Variants in EGFR observed in about 807,000 individuals in gnomAD.
EGFR encodes the protein epidermal growth factor receptor, also known as avian erythroblastic leukemia viral (v-erb-b) oncogene homolog.
Under a neutral mutation model 143.0 loss-of-function variants are expected in EGFR, and 58 were observed. That is an observed-to-expected ratio of 0.41 (90% CI 0.33 to 0.50). The LOEUF is 0.50. Ranked by LOEUF, EGFR falls within the 20% of genes least tolerant of loss-of-function variation. The pLI, the probability that EGFR is intolerant of heterozygous loss-of-function variation, is 0.39. For synonymous variants in EGFR, 613 were observed against 594.4 expected, an observed-to-expected ratio of 1.03 and a Z score of -0.45; for missense variants, 1,307 against 1,579.0, an observed-to-expected ratio of 0.83 and a Z score of 2.92.
intron 1 of EGFR, among the ~76,000 whole-genome samples, chr7:55,021,231 C>A (rs558019330): frequency 1.3e-4 from 20 of 152,302 alleles, no homozygotes; most frequent in African/African-American, 1.9e-4. Context: ...CCTGCAGGCC[C>A]GTCCTGCCTG....
intron 1 of EGFR, among the ~76,000 whole-genome samples, chr7:55,043,298 G>T (rs767621146): frequency 2.6e-5 from 4 of 152,114 alleles, no homozygotes; most frequent in Admixed American, 6.6e-5. Flanking sequence ...GAACCTTTTG[G>T]TTGTCACACT....
At position 55,200,396 on chromosome 7, in the gene EGFR, C is replaced by T. The variant is rs1140476; in HGVS notation, c.2929C>T (p.Arg977Cys). The change falls in exon 24 of 28, where the codon CGC becomes TGC. Residue 977 changes from arginine (R) to cysteine (C), a missense_variant. By Grantham distance (180) the Arg-to-Cys change is radical. Transcript: ENST00000275493. ...EFSKMARDPQ[R>C]YLVIQGDERM... Reference sequence around the variant, plus strand: ...CTCCAAAATGGCCCGAGACCCCCAGCGCTACCTTGTCATTCAGGTACAAAT... The same window carrying T: ...CTCCAAAATGGCCCGAGACCCCCAGTGCTACCTTGTCATTCAGGTACAAAT... 3.7e-6 allele frequency: 6 copies of T among 1,614,160 alleles called. No individual in the cohort carries two copies. Among genetic ancestry groups the T allele is most frequent in the South Asian group, 2.2e-5 (2 of 91,074 alleles).
At chr7:55,029,094 G>T (rs1787104184) in intron 1 of EGFR, among the ~76,000 whole-genome samples, 1 of 152,120 alleles carries the variant, frequency 6.6e-6, no homozygotes, top group African/African-American at 2.4e-5. Context: ...GGAAGGCAGG[G>T]GTTGCAGTGA....
chr7:55,083,191 T>G (rs1790558651), intron 1 of EGFR, among the ~76,000 whole-genome samples: 1 of 152,254 alleles, frequency 6.6e-6, no homozygotes, highest in African/African-American at 2.4e-5. Context: ...ACAATCCAAC[T>G]GATGACACAT....
chr7:55,192,018 C>A (rs1787418953), intron 21 of EGFR, 144 bp downstream of exon 21: 2 of 1,280,646 alleles, frequency 1.6e-6, no homozygotes, highest in Non-Finnish European at 2.2e-6. Flanking sequence ...CTGCTGGCAG[C>A]TGGGTCCAGC....
intron 1 of EGFR, among the ~76,000 whole-genome samples, chr7:55,093,161 G>A (rs1308586471): frequency 6.6e-6 from 1 of 152,186 alleles, no homozygotes; most frequent in Non-Finnish European, 1.5e-5. Flanking sequence ...GAGCTCAGGG[G>A]TCCGCTGGGT....
At chr7:55,115,536 T>C (rs1241840694) in intron 1 of EGFR, among the ~76,000 whole-genome samples, 1 of 152,232 alleles carries the variant, frequency 6.6e-6, no homozygotes, top group Non-Finnish European at 1.5e-5. Flanking sequence ...AAATAGATTT[T>C]ATAATCAATG....
intron 5 of EGFR, 83 bp from the exon 6 acceptor site, chr7:55,152,463 A>T (rs1384743225): frequency 4.0e-6 from 5 of 1,256,876 alleles, no homozygotes; most frequent in Non-Finnish European, 5.9e-6. Context: ...TTCATGAAAA[A>T]GTCTGCAAGT....
At chr7:55,079,965 T>A (rs1295503252) in intron 1 of EGFR, among the ~76,000 whole-genome samples, 1 of 152,262 alleles carries the variant, frequency 6.6e-6, no homozygotes, top group Non-Finnish European at 1.5e-5. Context: ...TCCAACCTCT[T>A]ACCAGGCTCT....
intron 1 of EGFR, among the ~76,000 whole-genome samples, chr7:55,055,723 C>CCACA (rs34074299): frequency 0.091 from 13,456 of 148,248 alleles, 1,181 homozygotes; most frequent in African/African-American, 0.23. Context: ...CACACACACA[C>CCACA]CACACACACA....
chr7:55,172,742 G>A, intron 16 of EGFR: 1 of 1,070,248 alleles, frequency 9.3e-7, no homozygotes, highest in Non-Finnish European at 1.4e-6. Context: ...TCCAGATAAA[G>A]CCTCAATTTT....
At chr7:55,194,913 CTCTCTAG>C (rs1254387746) in intron 22 of EGFR, among the ~76,000 whole-genome samples, 1 of 152,246 alleles carries the variant, frequency 6.6e-6, no homozygotes, top group Non-Finnish European at 1.5e-5. Context: ...GTTTTCTCTA[CTCTCTAG>C]TCTCTAGTCA....
At chr7:55,126,385 A>C (rs1449116445) in intron 1 of EGFR, among the ~76,000 whole-genome samples, 1 of 152,208 alleles carries the variant, frequency 6.6e-6, no homozygotes, top group Non-Finnish European at 1.5e-5. Context: ...GTGTTGTGCA[A>C]ATATTAACAA....
chr7:55,187,359 C>A (rs772109966), intron 20 of EGFR, among the ~76,000 whole-genome samples: 1 of 152,166 alleles, frequency 6.6e-6, no homozygotes, highest in Non-Finnish European at 1.5e-5. Flanking sequence ...TATGGGGAAA[C>A]AAAGGCATGC....
chr7:55,166,202 A>T, intron 15 of EGFR: 1 of 499,702 alleles, frequency 2.0e-6, no homozygotes, highest in South Asian at 1.6e-5. Context: ...TAGCAGAAGC[A>T]CTCTGATTGT....
chr7:55,184,744 T>C (rs1787056454), intron 20 of EGFR, among the ~76,000 whole-genome samples: 1 of 152,232 alleles, frequency 6.6e-6, no homozygotes, highest in Non-Finnish European at 1.5e-5. Context: ...TAGATTTGCT[T>C]TTTAGTTCAC....
At chr7:55,163,861 G>A (rs2128944915) in intron 14 of EGFR, 38 bp downstream of exon 14, 1 of 1,607,812 alleles carries the variant, frequency 6.2e-7, no homozygotes, top group Non-Finnish European at 8.5e-7. Context: ...CCATTTCATG[G>A]GAAGGGCCTT....
At chr7:55,081,395 G>A (rs766095250) in intron 1 of EGFR, among the ~76,000 whole-genome samples, 75 of 152,180 alleles carry the variant, frequency 4.9e-4, no homozygotes, top group Non-Finnish European at 9.0e-4. Flanking sequence ...TGCCACGAAG[G>A]AGTCTTGTTT....
intron 15 of EGFR, chr7:55,170,248 T>TA: frequency 6.2e-7 from 1 of 1,613,274 alleles, no homozygotes. Flanking sequence ...ATTATAGTGT[T>TA]ACACCAGGGC....
Sources: gnomAD v4.1 joint callset for allele counts (sites outside exome capture counted in the v4.1 genomes callset) on GRCh38, gnomAD v4.1.1 for gene constraint, MANE v1.5 for transcripts, NCBI Gene and HGNC (gene_info 2026-07-23, HGNC 2026-07-21) for gene names.